LRP6: variants seen among roughly 807,000 people sequenced by gnomAD.
The protein encoded by LRP6 is low-density lipoprotein receptor-related protein 6.
A neutral mutation model predicts 184.1 loss-of-function variants in LRP6; 43 were observed. The observed-to-expected ratio is 0.23, with a 90% CI of 0.18 to 0.30. The LOEUF (loss-of-function observed/expected upper bound fraction) is 0.30, where lower values mean the gene tolerates loss of function less well. Ranked by LOEUF, LRP6 falls within the 10% of genes least tolerant of loss-of-function variation. The probability of loss-of-function intolerance (pLI) is 1.00; values close to 1 mark genes in which losing one functional copy is unlikely to be tolerated. For synonymous variants in LRP6, 719 were observed against 684.9 expected (o/e 1.05, Z -0.78); for missense variants, 1,571 against 2,005.3 (o/e 0.78, Z 4.14).
At position 12,135,313 on chromosome 12, in the gene LRP6, G is replaced by A; in HGVS notation, c.3608-13C>T. ...CAAGGGTGCTGTCCTGCAAAGAGAA[G>A]AGGTGAGGATGGGGAGAGGAGGGGG... On this transcript the variant is annotated splice_polypyrimidine_tract_variant and intron_variant, in intron 16 of 22. Coordinates refer to ENST00000261349, the MANE Select transcript of LRP6 (RefSeq NM_002336.3). 6.2e-7 allele frequency: 1 copy of A among 1,610,828 alleles called. No individual in the cohort carries two copies. Among genetic ancestry groups the A allele is most frequent in the Non-Finnish European group, 8.5e-7 (1 of 1,177,470 alleles).
At chr12:12,257,413 T>C (rs1865490866) in intron 1 of LRP6, among the ~76,000 whole-genome samples, 1 of 151,044 alleles carries the variant, frequency 6.6e-6, no homozygotes, top group Non-Finnish European at 1.5e-5. Context: ...CCGTCTCTAC[T>C]AAAAAAATAC....
intron 9 of LRP6, 84 bp from the exon 10 acceptor site, chr12:12,162,503 G>A: frequency 1.8e-6 from 2 of 1,130,098 alleles, no homozygotes; most frequent in Admixed American, 1.7e-5. Context: ...TTTTTGTCAG[G>A]GGCAAGAGGA....
intron 2 of LRP6, among the ~76,000 whole-genome samples, chr12:12,229,284 C>T (rs569895178): frequency 7.3e-5 from 11 of 150,332 alleles, no homozygotes; most frequent in African/African-American, 2.4e-4. Context: ...GCAGGAGAAT[C>T]GCTTGAACCC....
intron 1 of LRP6, among the ~76,000 whole-genome samples, chr12:12,256,296 T>C (rs1335198816): frequency 6.6e-6 from 1 of 152,210 alleles, no homozygotes; most frequent in Non-Finnish European, 1.5e-5. Flanking sequence ...CGGTGGCTCA[T>C]GCCTGTAATC....
intron 1 of LRP6, among the ~76,000 whole-genome samples, chr12:12,244,926 C>A (rs1408000595): frequency 6.6e-6 from 1 of 152,134 alleles, no homozygotes; most frequent in African/African-American, 2.4e-5. Flanking sequence ...CCTGGCTATA[C>A]CAAGAATTGG....
In LRP6 at chr12:12,117,387, G is replaced by T. The variant is rs955020303; in HGVS notation, c.*3739C>A. ...CTATGGATGCCATATGTAGACTTAA[G>T]CACCACACATTTATTAAGAGCTGAC... On this transcript the variant is annotated 3_prime_UTR_variant, in exon 23 of 23. Coordinates refer to ENST00000261349, the MANE Select transcript of LRP6 (RefSeq NM_002336.3). The T allele has an allele frequency of 6.6e-6, 1 of 152,146 alleles. No individual in the cohort carries two copies. The highest frequency in any genetic ancestry group is 1.5e-5 in the Non-Finnish European group (1 of 68,020). 9.4% of individuals were successfully genotyped at this position (152,146 alleles called of 1,614,324 possible).
At chr12:12,137,293 T>C (rs1429084993) in intron 16 of LRP6, among the ~76,000 whole-genome samples, 1 of 152,232 alleles carries the variant, frequency 6.6e-6, no homozygotes, top group Non-Finnish European at 1.5e-5. Flanking sequence ...GAAGGCACTT[T>C]TTAAAAAACG....
intron 2 of LRP6, among the ~76,000 whole-genome samples, chr12:12,229,605 G>C (rs561452316): frequency 6.6e-6 from 1 of 152,276 alleles, no homozygotes; most frequent in East Asian, 1.9e-4. Context: ...GAAACCTGTA[G>C]ACACATAAAA....
At chr12:12,184,848 T>C (rs1863430751) in intron 4 of LRP6, among the ~76,000 whole-genome samples, 1 of 151,908 alleles carries the variant, frequency 6.6e-6, no homozygotes, top group South Asian at 2.1e-4. Context: ...CTTTGGAAAT[T>C]ATGGAAAGGG....
At chr12:12,234,439 G>A (rs1864878654) in intron 2 of LRP6, among the ~76,000 whole-genome samples, 1 of 151,764 alleles carries the variant, frequency 6.6e-6, no homozygotes, top group South Asian at 2.1e-4. Context: ...GACAGAGTGA[G>A]ACTCCGTCTC....
Position 12,159,896 on chromosome 12 carries a change from C to T in LRP6, c.2348G>A (p.Arg783His), listed in dbSNP as rs769424503. ...CCCCACATTTGGAACTAAGGTAGTA[C>T]GTTCACTTCCATCCATTGCAGCTCT... ...IDRAAMDGSERTTLVPNVGRA... is the reference protein window; with the variant it reads ...IDRAAMDGSEHTTLVPNVGRA... The change falls in exon 11 of 23, where the codon CGT becomes CAT. Residue 783 changes from arginine (R) to histidine (H), a missense_variant. Coordinates refer to ENST00000261349, the MANE Select transcript of LRP6 (RefSeq NM_002336.3). 3.7e-6 allele frequency: 6 copies of T among 1,613,924 alleles called. No individual in the cohort carries two copies. The highest frequency in any genetic ancestry group is 2.2e-5 in the South Asian group (2 of 91,074).
chr12:12,192,864 T>A (rs753247707), intron 3 of LRP6, among the ~76,000 whole-genome samples: 1 of 151,938 alleles, frequency 6.6e-6, no homozygotes, highest in Non-Finnish European at 1.5e-5. Flanking sequence ...TATAGAAAAT[T>A]TGAACATTAT....
intron 2 of LRP6, among the ~76,000 whole-genome samples, chr12:12,243,751 A>C (rs1371984878): frequency 1.3e-5 from 2 of 152,104 alleles, no homozygotes; most frequent in Admixed American, 1.3e-4. Context: ...TTCTGTCTCT[A>C]CAAAAAAAAA....
At chr12:12,150,700 T>C in intron 13 of LRP6, 136 bp downstream of exon 13, 2 of 868,528 alleles carry the variant, frequency 2.3e-6, no homozygotes, top group Non-Finnish European at 1.9e-6. Context: ...AAAAATAAGC[T>C]ACTAGGTCCA....
At chr12:12,148,381 CTT>C (rs1398388095) in intron 14 of LRP6, among the ~76,000 whole-genome samples, 2 of 152,116 alleles carry the variant, frequency 1.3e-5, no homozygotes, top group African/African-American at 4.8e-5. Flanking sequence ...CTTTTCCTCT[CTT>C]TTGAAGTAAG....
chr12:12,133,860 G>GGA (rs1949793086), intron 17 of LRP6, among the ~76,000 whole-genome samples: 6 of 71,988 alleles, frequency 8.3e-5, no homozygotes, highest in East Asian at 5.1e-4. Flanking sequence ...GGGGGGGGGG[G>GGA]GGAGGGTAAA....
intron 1 of LRP6, among the ~76,000 whole-genome samples, chr12:12,258,202 GA>G (rs758903338): frequency 5.9e-5 from 9 of 152,218 alleles, no homozygotes; most frequent in Middle Eastern, 3.4e-3. Flanking sequence ...CTGTAGCCTT[GA>G]GTTCCTGGGC....
At chr12:12,147,010 G>C (rs1264045513) in intron 15 of LRP6, among the ~76,000 whole-genome samples, 2 of 152,174 alleles carry the variant, frequency 1.3e-5, no homozygotes, top group African/African-American at 4.8e-5. Context: ...AAATTAGCTG[G>C]GCGCAGTGGC....
At position 12,119,495 on chromosome 12, in the gene LRP6, A is replaced by C. The variant is rs1162550069; in HGVS notation, c.*1631T>G. 2.0e-5 allele frequency: 3 copies of C among 152,266 alleles called. No homozygotes were observed. The highest frequency in any genetic ancestry group is 7.2e-5 in the African/African-American group (3 of 41,454). 9.4% of individuals were successfully genotyped at this position (152,266 alleles called of 1,614,324 possible). A position where few individuals can be genotyped will look rare whatever the true frequency, so the allele number is the denominator to read the frequency against. The stretch of plus-strand genomic sequence containing the variant: ...GAACTTCTGGCAAGGTGGCAGAGCA[A>C]GTGCTAGAATCATTCCACAGGTCAG... On this transcript the variant is annotated 3_prime_UTR_variant, in exon 23 of 23. Coordinates refer to ENST00000261349, the MANE Select transcript of LRP6 (RefSeq NM_002336.3).
Sources: allele counts gnomAD v4.1 joint callset (sites outside exome capture counted in the v4.1 genomes callset), GRCh38; gene constraint gnomAD v4.1.1; transcripts MANE v1.5; gene names NCBI Gene and HGNC (gene_info 2026-07-23, HGNC 2026-07-21).